Variants in APBA2 observed in about 807,000 individuals in gnomAD.
APBA2 encodes amyloid beta precursor protein binding family A member 2, also known as amyloid-beta A4 precursor protein-binding family A member 2.
APBA2 carries 30 observed loss-of-function variants against 75.0 expected under a neutral mutation model. The ratio of observed to expected loss-of-function variants is 0.40; its 90% CI spans 0.30 to 0.54. The LOEUF (loss-of-function observed/expected upper bound fraction) is 0.54. Ranked by LOEUF, APBA2 falls within the 20% of genes least tolerant of loss-of-function variation. The pLI is 0.49. For missense variants in APBA2, 801 were observed against 1,016.1 expected (o/e 0.79, Z 2.88); for synonymous variants, 444 against 409.6 (o/e 1.08, Z -1.01).
intron 6 of APBA2, among the ~76,000 whole-genome samples, chr15:29,089,485 C>G (rs955966305): frequency 2.0e-5 from 3 of 152,208 alleles, no homozygotes; most frequent in Admixed American, 2.0e-4. Context: ...CAGCCACCTC[C>G]TCCCAGACCC....
chr15:29,069,215 A>G (rs2042511305), intron 4 of APBA2, among the ~76,000 whole-genome samples: 1 of 152,190 alleles, frequency 6.6e-6, no homozygotes, highest in South Asian at 2.1e-4. Context: ...GCTGAATGAT[A>G]TTCCACTGAA....
intron 1 of APBA2, among the ~76,000 whole-genome samples, chr15:28,896,155 G>A (rs1325736557): frequency 1.3e-5 from 2 of 152,128 alleles, no homozygotes; most frequent in South Asian, 2.1e-4. Flanking sequence ...TATTTGATGC[G>A]GGGGTTGGGG....
At chr15:28,976,524 T>G (rs553610687) in intron 2 of APBA2, among the ~76,000 whole-genome samples, 1 of 152,152 alleles carries the variant, frequency 6.6e-6, no homozygotes, top group African/African-American at 2.4e-5. Flanking sequence ...TTGCTAGGAG[T>G]TTTTTCTCCC....
intron 1 of APBA2, among the ~76,000 whole-genome samples, chr15:28,912,154 T>C (rs900705540): frequency 6.6e-6 from 1 of 152,214 alleles, no homozygotes; most frequent in African/African-American, 2.4e-5. Flanking sequence ...TATTAAATAA[T>C]TTTTATTGCT....
intron 3 of APBA2, among the ~76,000 whole-genome samples, chr15:29,030,004 A>C (rs2040406820): frequency 1.3e-5 from 2 of 152,098 alleles, no homozygotes; most frequent in Admixed American, 1.3e-4. Context: ...GGCCATGTGG[A>C]GCTCTGGGTT....
chr15:29,035,680 G>C (rs867066), intron 3 of APBA2, among the ~76,000 whole-genome samples: 1 of 152,164 alleles, frequency 6.6e-6, no homozygotes, highest in Admixed American at 6.5e-5. Context: ...GGTGTTCCAC[G>C]TTCGAAGCAG....
chr15:29,021,165 A>G (rs1429444835), intron 3 of APBA2, among the ~76,000 whole-genome samples: 1 of 152,202 alleles, frequency 6.6e-6, no homozygotes, highest in Non-Finnish European at 1.5e-5. Flanking sequence ...GGACTTTCCC[A>G]ATTCTGACTG....
At chr15:29,049,869 G>T (rs1211025018) in intron 3 of APBA2, among the ~76,000 whole-genome samples, 2 of 152,180 alleles carry the variant, frequency 1.3e-5, no homozygotes, top group East Asian at 1.9e-4. Flanking sequence ...TGCTATGAGT[G>T]TAAAGTTCAG....
intron 2 of APBA2, among the ~76,000 whole-genome samples, chr15:28,981,746 T>C (rs892979335): frequency 2.6e-5 from 4 of 152,122 alleles, no homozygotes. Flanking sequence ...CAAAGACACA[T>C]AATCAGTCTA....
chr15:28,979,809 C>CTCAG (rs1381464581), intron 2 of APBA2, among the ~76,000 whole-genome samples: 2 of 152,148 alleles, frequency 1.3e-5, no homozygotes, highest in Non-Finnish European at 2.9e-5. Context: ...GGTCCTCATG[C>CTCAG]TCAGGTTCAA....
intron 6 of APBA2, among the ~76,000 whole-genome samples, chr15:29,092,849 CAG>C (rs1370899532): frequency 6.6e-6 from 1 of 152,190 alleles, no homozygotes; most frequent in Non-Finnish European, 1.5e-5. Flanking sequence ...ACTGTTTGTG[CAG>C]AGTTTTCTGG....
intron 2 of APBA2, among the ~76,000 whole-genome samples, chr15:28,984,089 G>C (rs932023783): frequency 1.3e-5 from 2 of 152,174 alleles, no homozygotes; most frequent in African/African-American, 4.8e-5. Flanking sequence ...ACTGCTGTGG[G>C]GTGCACAGGT....
At chr15:29,011,936 A>G (rs2039424007) in intron 3 of APBA2, among the ~76,000 whole-genome samples, 1 of 152,274 alleles carries the variant, frequency 6.6e-6, no homozygotes, top group East Asian at 1.9e-4. Flanking sequence ...CGTAAAATCT[A>G]GTTTGTCTAA....
intron 4 of APBA2, among the ~76,000 whole-genome samples, chr15:29,068,830 T>C (rs1177392320): frequency 6.6e-6 from 1 of 152,194 alleles, no homozygotes; most frequent in Admixed American, 6.5e-5. Context: ...AGGGCTCTCT[T>C]TACTCTTGCT....
At position 29,037,551 on chromosome 15, in the gene APBA2, G is replaced by A. The variant is rs1595794325; in HGVS notation, c.-40-16294G>A. ...GGGTCTTTACATGTCTTTTGTGGGT[G>A]AGGACCTGAGGCAAGCAGAGAGAGA... On this transcript the variant is annotated intron_variant, in intron 3 of 14. Transcript: ENST00000683413. Among the ~76,000 whole-genome samples, 7 of 152,154 alleles carry A rather than the reference G, an allele frequency of 4.6e-5. No homozygotes were observed. The South Asian group carries it at 1.5e-3, about 32-fold the overall frequency.
At chr15:29,021,549 A>G (rs2039956684) in intron 3 of APBA2, among the ~76,000 whole-genome samples, 1 of 152,050 alleles carries the variant, frequency 6.6e-6, no homozygotes, top group Non-Finnish European at 1.5e-5. Flanking sequence ...AGCGAAGCCA[A>G]CCCCCATGAA....
In APBA2 at chr15:28,951,881, C is replaced by CTTTT. The variant is rs71414600; in HGVS notation, c.-95+30155_-95+30158dup. 1.5e-4 allele frequency among the ~76,000 whole-genome samples: 16 copies of CTTTT among 109,822 alleles called. 1 individual carries two copies. The highest frequency in any genetic ancestry group is 2.2e-4 in the Non-Finnish European group (12 of 55,650). 72.0% of individuals were successfully genotyped at this position (109,822 alleles called of 152,430 possible). Reference sequence around the variant, plus strand: ...CAGGCGTGAGCCCACTGCACTCAGCCTTTTTTTTTTTTTTTTTTTTTTTTT... The same window carrying CTTTT: ...CAGGCGTGAGCCCACTGCACTCAGCCTTTTTTTTTTTTTTTTTTTTTTTTTTTTT... On this transcript the variant is annotated intron_variant, in intron 2 of 14. Transcript: ENST00000683413.
chr15:29,000,601 T>C (rs760332696), intron 3 of APBA2, among the ~76,000 whole-genome samples: 1 of 152,030 alleles, frequency 6.6e-6, no homozygotes, highest in Non-Finnish European at 1.5e-5. Flanking sequence ...GATTTATTGA[T>C]TTATTTAGAG....
At chr15:28,970,745 T>A (rs1460570401) in intron 2 of APBA2, among the ~76,000 whole-genome samples, 1 of 151,792 alleles carries the variant, frequency 6.6e-6, no homozygotes, top group African/African-American at 2.4e-5. Flanking sequence ...ATTCTCATTT[T>A]TTTTTGTCTT....
Sources: gnomAD v4.1 joint callset for allele counts (sites outside exome capture counted in the v4.1 genomes callset) on GRCh38, gnomAD v4.1.1 for gene constraint, MANE v1.5 for transcripts, NCBI Gene and HGNC (gene_info 2026-07-23, HGNC 2026-07-21) for gene names.